Variants in ABCA1 observed in about 807,000 individuals in gnomAD.
The protein encoded by ABCA1 is ATP binding cassette subfamily A member 1.
A neutral mutation model predicts 262.5 loss-of-function variants in ABCA1; 133 were observed. That is an observed-to-expected ratio of 0.51 (90% CI 0.44 to 0.59). The LOEUF (loss-of-function observed/expected upper bound fraction) is 0.59, where lower values mean the gene tolerates loss of function less well. Among genes scored for constraint, ABCA1 ranks in the 20% least tolerant of loss-of-function variants. ABCA1 has a pLI of 0.00. For synonymous variants in ABCA1, 1,022 were observed against 1,043.5 expected, an observed-to-expected ratio of 0.98 and a Z score of 0.40; for missense variants, 2,452 against 2,777.5, an observed-to-expected ratio of 0.88 and a Z score of 2.63.
chr9:104,836,435 T>C (rs1833824956), intron 11 of ABCA1, among the ~76,000 whole-genome samples: 1 of 152,340 alleles, frequency 6.6e-6, no homozygotes, highest in African/African-American at 2.4e-5. Context: ...ATTCTGTTCT[T>C]GCTCAGCCTG....
intron 15 of ABCA1, among the ~76,000 whole-genome samples, chr9:104,827,859 T>C (rs1832936766): frequency 6.6e-6 from 1 of 152,226 alleles, no homozygotes; most frequent in Admixed American, 6.5e-5. Context: ...CTGAGCCTCA[T>C]TTCCTTGTCT....
intron 1 of ABCA1, among the ~76,000 whole-genome samples, chr9:104,925,812 CT>C (rs1391146454): frequency 2.6e-5 from 4 of 152,228 alleles, no homozygotes; most frequent in Non-Finnish European, 5.9e-5. Context: ...TGCTTCCATA[CT>C]TTCTCTGATT....
At chr9:104,836,218 T>C (rs1371874870) in intron 11 of ABCA1, among the ~76,000 whole-genome samples, 5 of 152,278 alleles carry the variant, frequency 3.3e-5, no homozygotes, top group South Asian at 4.1e-4. Context: ...CCTAGGTAGG[T>C]ACAGTCTCTA....
intron 44 of ABCA1, 22 bp from the exon 45 acceptor site, chr9:104,788,589 C>T: frequency 1.2e-6 from 2 of 1,613,906 alleles, no homozygotes; most frequent in Non-Finnish European, 1.7e-6. Context: ...AAGAAAACTA[C>T]TTAGATTTTA....
intron 1 of ABCA1, among the ~76,000 whole-genome samples, chr9:104,911,881 T>C (rs552899039): frequency 1.3e-5 from 2 of 152,342 alleles, no homozygotes; most frequent in South Asian, 2.1e-4. Flanking sequence ...TATCCAATCA[T>C]TCCAGAGGAA....
At chr9:104,918,457 T>G (rs1841964180) in intron 1 of ABCA1, among the ~76,000 whole-genome samples, 1 of 152,252 alleles carries the variant, frequency 6.6e-6, no homozygotes, top group South Asian at 2.1e-4. Flanking sequence ...CAGAAAGAGA[T>G]CATTAATGGT....
chr9:104,837,883 T>C lies in ABCA1; in HGVS notation c.1055-316A>G, dbSNP rs73663564. On this transcript the variant is annotated intron_variant, in intron 9 of 49. Transcript: ENST00000374736. ...CGACTGAGCTGATCTGGAAAAATGT[T>C]TTCATGAAGCACAAGCCCTCCCATC... Among the ~76,000 whole-genome samples the C allele has an allele frequency of 9.2e-3, 1,401 of 152,280 alleles. 29 individuals are homozygous for C. The highest frequency in any genetic ancestry group is 0.032 in the African/African-American group (1,320 of 41,554).
In ABCA1 at chr9:104,889,091, C is replaced by G. The variant is rs201711958; in HGVS notation, c.160+11G>C. ...ATTGGTGAGTCTCAGGCAACATCCA[C>G]AGTTACTTACATTCATGTTGTTCAT... On this transcript the variant is annotated intron_variant, in intron 3 of 49. Transcript: ENST00000374736. The G allele has an allele frequency of 1.2e-6, 2 of 1,611,474 alleles. No individual in the cohort carries two copies. The highest frequency in any genetic ancestry group is 4.5e-5 in the East Asian group (2 of 44,854).
chr9:104,839,685 G>A (rs1834194955), intron 9 of ABCA1, among the ~76,000 whole-genome samples: 1 of 151,960 alleles, frequency 6.6e-6, no homozygotes, highest in South Asian at 2.1e-4. Flanking sequence ...TATATTTAAG[G>A]TATACAATGT....
chr9:104,861,842 CAA>C (rs34203904), intron 5 of ABCA1, 42 bp from the exon 6 acceptor site: 32,849 of 1,297,688 alleles, frequency 0.025, no homozygotes, highest in East Asian at 0.042. Flanking sequence ...GTAAGTAACT[CAA>C]AAAAAAAAAA....
chr9:104,850,612 C>T (rs1389482189), intron 7 of ABCA1, among the ~76,000 whole-genome samples: 3 of 152,174 alleles, frequency 2.0e-5, no homozygotes, highest in Admixed American at 6.5e-5. Context: ...ATAAAATTAA[C>T]CCCAGGAAAG....
chr9:104,791,977 G>C lies in ABCA1; in HGVS notation c.5779C>G (p.Pro1927Ala). The C allele has an allele frequency of 1.2e-6, 2 of 1,613,510 alleles. No homozygotes were observed. Among genetic ancestry groups the C allele is most frequent in the Non-Finnish European group, 1.7e-6 (2 of 1,179,808 alleles). ...CCCACGCAAATCCTGTCAACAGCAG[G>C]CTTCCGCTTCCTTCTATATATCTGC... ...LTKIYRRKRKPAVDRICVGIP... is the reference protein window; with the variant it reads ...LTKIYRRKRKAAVDRICVGIP... Residue 1927 changes from proline to alanine, a missense_variant, in exon 43 of 50, where the codon CCT becomes GCT. Physicochemically the swap from Pro to Ala is conservative, Grantham distance 27. Transcript: ENST00000374736.
Position 104,917,605 on chromosome 9 carries a change from T to C in ABCA1, c.-93+10330A>G, listed in dbSNP as rs186356209. On this transcript the variant is annotated intron_variant, in intron 1 of 49. Transcript: ENST00000374736. ...CCCATCTCTGCTAAAAATACAAAAA[T>C]TAGCCGGGTGTGGTGGCATGCACCT... Among the ~76,000 whole-genome samples the C allele has an allele frequency of 2.6e-3, 396 of 151,984 alleles. 2 individuals carry two copies. The highest frequency in any genetic ancestry group is 8.7e-3 in the African/African-American group (361 of 41,430).
chr9:104,855,558 T>A, intron 7 of ABCA1: 1 of 1,070,844 alleles, frequency 9.3e-7, no homozygotes, highest in Non-Finnish European at 1.3e-6. Context: ...CTACTACTCA[T>A]GTCAATTAAA....
At chr9:104,830,784 T>C (rs1166618701) in intron 14 of ABCA1, 141 bp downstream of exon 14, 1 of 902,650 alleles carries the variant, frequency 1.1e-6, no homozygotes, top group Non-Finnish European at 1.9e-6. Flanking sequence ...ATGTCTGTCA[T>C]GTGGCTGCAA....
intron 5 of ABCA1, among the ~76,000 whole-genome samples, chr9:104,866,753 G>T (rs140563773): frequency 0.014 from 2,187 of 152,286 alleles, 63 homozygotes; most frequent in African/African-American, 0.05. Context: ...CTCCCAAAGT[G>T]CTAGGATTAG....
Position 104,903,752 on chromosome 9 carries a change from A to G in ABCA1, c.-73T>C, listed in dbSNP as rs908968650. ...GCAGCGGCCAGAGCTCACAGCAGGGACGCCGTGGCTGGTCATTAACTGAAA... is the reference window on the plus strand; with the variant it reads ...GCAGCGGCCAGAGCTCACAGCAGGGGCGCCGTGGCTGGTCATTAACTGAAA... On this transcript the variant is annotated 5_prime_UTR_variant, in exon 2 of 50. Transcript: ENST00000374736. 2 of 1,414,168 alleles carry G rather than the reference A, an allele frequency of 1.4e-6. No homozygotes were observed. Among genetic ancestry groups the G allele is most frequent in the African/African-American group, 2.8e-5 (2 of 70,438 alleles). 87.6% of individuals were successfully genotyped at this position (1,414,168 alleles called of 1,614,324 possible).
rs982257302 is a variant in ABCA1, at chr9:104,814,562, C to T, written c.3739-87G>A. 2.2e-4 allele frequency: 286 copies of T among 1,275,392 alleles called. No homozygotes were observed. The East Asian group carries it at 6.6e-3, about 29-fold the overall frequency. 79.0% of individuals were successfully genotyped at this position (1,275,392 alleles called of 1,614,324 possible). On this transcript the variant is annotated intron_variant, in intron 25 of 49. Coordinates refer to ENST00000374736, the MANE Select transcript of ABCA1 (RefSeq NM_005502.4). ...CCACGATTATTATATTACTGAGTGG[C>T]ATGTTAGCCCCGTAAGACAGAGAAA...
At chr9:104,923,118 T>C (rs999034360) in intron 1 of ABCA1, among the ~76,000 whole-genome samples, 5 of 152,182 alleles carry the variant, frequency 3.3e-5, no homozygotes, top group African/African-American at 1.2e-4. Context: ...AACAGAGAAA[T>C]AGCTTATTTC....
Sources: gnomAD v4.1 joint callset for allele counts (sites outside exome capture counted in the v4.1 genomes callset) on GRCh38, gnomAD v4.1.1 for gene constraint, MANE v1.5 for transcripts, NCBI Gene and HGNC (gene_info 2026-07-23, HGNC 2026-07-21) for gene names.